The following CDYL2 variants were observed in gnomAD, a reference collection of about 807,000 sequenced individuals.
The protein encoded by CDYL2 is chromodomain Y like 2, also known as chromodomain Y-like protein 2.
A neutral mutation model predicts 49.4 loss-of-function variants in CDYL2; 23 were observed. That is an observed-to-expected ratio of 0.47 (90% CI 0.34 to 0.66). The LOEUF (loss-of-function observed/expected upper bound fraction) is 0.66. Among genes scored for constraint, CDYL2 ranks in the 30% least tolerant of loss-of-function variants. CDYL2 has a pLI of 0.01. For missense variants in CDYL2, 678 were observed against 656.4 expected (o/e 1.03, Z -0.36); for synonymous variants, 360 against 268.8 (o/e 1.34, Z -3.32).
chr16:80,743,909 C>T (rs144292156), intron 1 of CDYL2, among the ~76,000 whole-genome samples: 1 of 152,240 alleles, frequency 6.6e-6, no homozygotes, highest in Non-Finnish European at 1.5e-5. Flanking sequence ...AAAGAGATCA[C>T]TTAGTGGTTG....
intron 2 of CDYL2, among the ~76,000 whole-genome samples, chr16:80,665,456 C>G (rs1019682233): frequency 6.8e-6 from 1 of 147,634 alleles, no homozygotes; most frequent in Admixed American, 6.9e-5. Flanking sequence ...TTCTCATTCA[C>G]TGCCACCAAG....
chr16:80,729,574 T>C (rs1190315378), intron 1 of CDYL2, among the ~76,000 whole-genome samples: 3 of 151,970 alleles, frequency 2.0e-5, no homozygotes, highest in Non-Finnish European at 4.4e-5. Flanking sequence ...TACCCAGGAA[T>C]TGAACTCAGC....
At chr16:80,699,220 A>G (rs1461440277) in intron 1 of CDYL2, among the ~76,000 whole-genome samples, 1 of 152,232 alleles carries the variant, frequency 6.6e-6, no homozygotes, top group Non-Finnish European at 1.5e-5. Context: ...TGTTTACTGC[A>G]GCACTATTCA....
At chr16:80,670,477 C>T (rs1039384874) in intron 2 of CDYL2, among the ~76,000 whole-genome samples, 7 of 152,088 alleles carry the variant, frequency 4.6e-5, no homozygotes, top group South Asian at 2.1e-4. Flanking sequence ...CCTGGGGAAC[C>T]GTGAGTCAAT....
chr16:80,606,969 C>A (rs1170407824), intron 6 of CDYL2, among the ~76,000 whole-genome samples: 1 of 152,178 alleles, frequency 6.6e-6, no homozygotes. Context: ...ATAAATTACC[C>A]AGTCTCGGGT....
chr16:80,775,003 T>C (rs144919346), intron 1 of CDYL2, among the ~76,000 whole-genome samples: 4 of 152,184 alleles, frequency 2.6e-5, no homozygotes, highest in African/African-American at 9.6e-5. Flanking sequence ...AAAAGATTTA[T>C]TTCTATAGAA....
At chr16:80,675,977 G>A (rs890895995) in intron 2 of CDYL2, among the ~76,000 whole-genome samples, 2 of 152,206 alleles carry the variant, frequency 1.3e-5, no homozygotes. Flanking sequence ...AACCTTGACA[G>A]TGGTCAAGAC....
intron 1 of CDYL2, among the ~76,000 whole-genome samples, chr16:80,766,688 G>C (rs1906737071): frequency 6.6e-6 from 1 of 152,178 alleles, no homozygotes; most frequent in Non-Finnish European, 1.5e-5. Flanking sequence ...CGATGGGACT[G>C]ACTCCAGATA....
At chr16:80,758,643 C>T (rs769578527) in intron 1 of CDYL2, among the ~76,000 whole-genome samples, 2 of 150,432 alleles carry the variant, frequency 1.3e-5, no homozygotes, top group South Asian at 2.1e-4. Flanking sequence ...CCCTGGTTCA[C>T]GCCATTCTCC....
At chr16:80,781,270 T>C (rs1393991156) in intron 1 of CDYL2, among the ~76,000 whole-genome samples, 1 of 152,232 alleles carries the variant, frequency 6.6e-6, no homozygotes, top group Non-Finnish European at 1.5e-5. Context: ...TCAAGATTCC[T>C]ATAACCCAAC....
In CDYL2 at chr16:80,720,218, A is replaced by C. The variant is rs377103663; in HGVS notation, c.25-35089T>G. ...GAGGGCCCTTCTTCCAGTTCCCCTC[A>C]TGACTCCCCTCTCTGTGGACATGCC... On this transcript the variant is annotated intron_variant, in intron 1 of 6. Transcript: ENST00000570137. 5.9e-5 allele frequency among the ~76,000 whole-genome samples: 9 copies of C among 152,290 alleles called. 1 individual carries two copies. Among genetic ancestry groups the C allele is most frequent in the Admixed American group, 1.3e-4 (2 of 15,302 alleles).
intron 1 of CDYL2, among the ~76,000 whole-genome samples, chr16:80,753,184 G>A (rs532104109): frequency 1.3e-5 from 2 of 151,652 alleles, no homozygotes; most frequent in South Asian, 4.2e-4. Context: ...ACACATAAAT[G>A]GTCAATAATT....
intron 1 of CDYL2, among the ~76,000 whole-genome samples, chr16:80,793,656 G>A (rs532190771): frequency 2.6e-5 from 4 of 152,294 alleles, no homozygotes; most frequent in South Asian, 4.2e-4. Context: ...TGCCCTCACC[G>A]AGCTTAGGGT....
At chr16:80,766,416 G>A (rs1380375281) in intron 1 of CDYL2, among the ~76,000 whole-genome samples, 1 of 152,062 alleles carries the variant, frequency 6.6e-6, no homozygotes, top group South Asian at 2.1e-4. Flanking sequence ...TTTACTGAAG[G>A]CTGAAAATTT....
intron 4 of CDYL2, among the ~76,000 whole-genome samples, chr16:80,620,328 C>A (rs927363201): frequency 1.3e-5 from 2 of 152,218 alleles, no homozygotes; most frequent in African/African-American, 4.8e-5. Context: ...CCTCCATCAA[C>A]CTCCCCACTG....
At chr16:80,773,221 A>G (rs1441734340) in intron 1 of CDYL2, among the ~76,000 whole-genome samples, 1 of 152,188 alleles carries the variant, frequency 6.6e-6, no homozygotes, top group South Asian at 2.1e-4. Flanking sequence ...ATTTTTTATA[A>G]TGGCAAAAGG....
intron 2 of CDYL2, among the ~76,000 whole-genome samples, chr16:80,672,034 A>G (rs1909532258): frequency 6.6e-6 from 1 of 152,140 alleles, no homozygotes; most frequent in Non-Finnish European, 1.5e-5. Flanking sequence ...CTGATTTTGG[A>G]ATATTTGTAT....
rs1286470849 is a variant in CDYL2 at position 80,680,837 on chromosome 16, ACCCACCCCTCCAG to A, written c.616+3688_616+3700del. Among the ~76,000 whole-genome samples, 5 of 152,148 alleles carry A rather than the reference ACCCACCCCTCCAG, an allele frequency of 3.3e-5. No homozygotes were observed. The East Asian group carries it at 9.7e-4, about 29-fold the overall frequency. ...TTACAATTCAGCATGAACGTGCAGA[ACCCACCCCTCCAG>A]CCCCCTGAGATCCTGATTCATTCAA... On this transcript the variant is annotated intron_variant, in intron 2 of 6. Coordinates refer to ENST00000570137, the MANE Select transcript of CDYL2 (RefSeq NM_152342.4).
intron 2 of CDYL2, among the ~76,000 whole-genome samples, chr16:80,649,882 T>C (rs1426795751): frequency 1.3e-5 from 2 of 152,120 alleles, no homozygotes; most frequent in Non-Finnish European, 2.9e-5. Context: ...GCTTCTTCAA[T>C]AAATGGTGCT....
Sources: gnomAD v4.1 joint callset for allele counts (sites outside exome capture counted in the v4.1 genomes callset) on GRCh38, gnomAD v4.1.1 for gene constraint, MANE v1.5 for transcripts, NCBI Gene and HGNC (gene_info 2026-07-23, HGNC 2026-07-21) for gene names.